MINK1: variants seen among roughly 807,000 people sequenced by gnomAD.
MINK1 encodes the protein misshapen-like kinase 1.
In MINK1, 46 loss-of-function variants were observed where a neutral mutation model predicts 178.4. The observed-to-expected ratio is 0.26, with a 90% CI of 0.20 to 0.33. The LOEUF is 0.33. Among genes scored for constraint, MINK1 ranks in the 10% least tolerant of loss-of-function variants. The pLI is 1.00. For synonymous variants in MINK1, 797 were observed against 709.7 expected, an observed-to-expected ratio of 1.12 and a Z score of -1.96; for missense variants, 1,366 against 1,814.9, an observed-to-expected ratio of 0.75 and a Z score of 4.49.
chr17:4,843,728 T>C (rs72835018), intron 1 of MINK1, among the ~76,000 whole-genome samples: 12,879 of 152,150 alleles, frequency 0.085, 552 homozygotes, highest in Non-Finnish European at 0.094. Context: ...GTGGACAATA[T>C]TATCCTCATT....
chr17:4,891,997 C>T (rs181821185), intron 16 of MINK1, among the ~76,000 whole-genome samples, 152 bp from the exon 17 acceptor site: 7 of 152,244 alleles, frequency 4.6e-5, no homozygotes, highest in Non-Finnish European at 8.8e-5. Context: ...CATCATCCGG[C>T]TTCATAACCC....
At chr17:4,861,486 A>G (rs1252109130) in intron 1 of MINK1, among the ~76,000 whole-genome samples, 4 of 152,096 alleles carry the variant, frequency 2.6e-5, no homozygotes, top group African/African-American at 9.7e-5. Context: ...GAGCCTCTCC[A>G]TCAACCAAAG....
intron 12 of MINK1, among the ~76,000 whole-genome samples, chr17:4,888,502 GGT>G (rs1567610011): frequency 6.6e-6 from 1 of 151,736 alleles, no homozygotes; most frequent in Non-Finnish European, 1.5e-5. Flanking sequence ...CAGGCGTGGT[GGT>G]GCACGCGCCT....
At chr17:4,878,045 C>T (rs1046666017) in intron 1 of MINK1, among the ~76,000 whole-genome samples, 5 of 152,038 alleles carry the variant, frequency 3.3e-5, no homozygotes, top group East Asian at 3.9e-4. Context: ...CTCCTGACCT[C>T]GTGATCCACC....
At chr17:4,891,200 G>GCGCACACACACACACACACA (rs781594150) in intron 15 of MINK1, 76 bp downstream of exon 15, 14 of 1,004,118 alleles carry the variant, frequency 1.4e-5, no homozygotes, top group South Asian at 1.8e-5. Context: ...ACACACGCGC[G>GCGCACACACACACACACACA]CACACACACA....
At chr17:4,888,998 CCA>C (rs1392375333) in intron 12 of MINK1, among the ~76,000 whole-genome samples, 1 of 152,132 alleles carries the variant, frequency 6.6e-6, no homozygotes, top group Admixed American at 6.6e-5. Flanking sequence ...CCGCGCCCAG[CCA>C]CAGAGTCCTA....
chr17:4,895,497 C>A lies in MINK1; in HGVS notation c.3229+4C>A. ...AACCTGCTCATCACCATCTCAGGTA[C>A]AGGTGTGGTGAGTGGGGGAGGGAGG... On this transcript the variant is annotated splice_donor_region_variant and intron_variant, in intron 26 of 31. Coordinates refer to ENST00000355280, the MANE Select transcript of MINK1 (RefSeq NM_153827.5). The surrounding 1 kb of genome is among the most constrained non-coding windows in gnomAD (Gnocchi z 4.3). The A allele has an allele frequency of 1.3e-6, 2 of 1,575,452 alleles. No individual in the cohort carries two copies. Among genetic ancestry groups the A allele is most frequent in the Non-Finnish European group, 1.7e-6 (2 of 1,158,676 alleles).
In MINK1 at chr17:4,897,181, ACTT is replaced by A. The variant is rs766868408; in HGVS notation, c.3916-17_3916-15del. 1.0e-5 allele frequency: 16 copies of A among 1,607,506 alleles called. No individual in the cohort carries two copies. The highest frequency in any genetic ancestry group is 4.5e-5 in the East Asian group (2 of 44,742). On this transcript the variant is annotated intron_variant, in intron 31 of 31. Coordinates refer to ENST00000355280, the MANE Select transcript of MINK1 (RefSeq NM_153827.5). Reference sequence around the variant, plus strand: ...ACCCCCCCAACCTCAGCCCTTGGTGACTTCTTCTCCTGCCCCACCCAGGTGTTT... The same window carrying A: ...ACCCCCCCAACCTCAGCCCTTGGTGACTTCTCCTGCCCCACCCAGGTGTTT...
Position 4,885,688 on chromosome 17 carries a change from G to T in MINK1, c.639+75G>T. 6.3e-7 allele frequency: 1 copy of T among 1,586,866 alleles called. No individual in the cohort carries two copies. Among genetic ancestry groups the T allele is most frequent in the Non-Finnish European group, 8.6e-7 (1 of 1,161,878 alleles). On this transcript the variant is annotated intron_variant, in intron 7 of 31. Transcript: ENST00000355280. This position sits in a 1 kb window ranked among gnomAD's most constrained non-coding sequence, Gnocchi z 5.0. The stretch of plus-strand genomic sequence containing the variant: ...ATATGGGGACCACGGGGCCTGAGCA[G>T]GCTGGGGAACAGAGGAAGGTCAGAT...
At position 4,890,505 on chromosome 17, in the gene MINK1, C is replaced by T. The variant is rs758037422; in HGVS notation, c.1348-12C>T. The T allele has an allele frequency of 4.2e-5, 66 of 1,579,934 alleles. No homozygotes were observed. Among genetic ancestry groups the T allele is most frequent in the Non-Finnish European group, 5.5e-5 (64 of 1,163,764 alleles). On this transcript the variant is annotated splice_polypyrimidine_tract_variant and intron_variant, in intron 13 of 31. Transcript: ENST00000355280. ...ACCCTGCTGAGCCCTCTCTCCCTAC[C>T]CTTGGGCCCAGGAATACAAGCGGAA...
chr17:4,868,933 TTA>T, intron 1 of MINK1: 1 of 201,440 alleles, frequency 5.0e-6, no homozygotes. Flanking sequence ...ATTTATTTAT[TTA>T]TTTTTTGAGG....
At chr17:4,859,987 A>C (rs1913887791) in intron 1 of MINK1, among the ~76,000 whole-genome samples, 1 of 151,718 alleles carries the variant, frequency 6.6e-6, no homozygotes, top group South Asian at 2.1e-4. Flanking sequence ...TACTTGCCGC[A>C]TGCGGAGCGG....
Position 4,889,731 on chromosome 17 carries a change from G to A in MINK1, c.1315G>A (p.Glu439Lys). The A allele has an allele frequency of 6.5e-7, 1 of 1,547,782 alleles. No individual in the cohort carries two copies. The highest frequency in any genetic ancestry group is 8.7e-7 in the Non-Finnish European group (1 of 1,149,182). The change falls in exon 13 of 32, where the codon GAG becomes AAG. Residue 439 changes from glutamate to lysine, a missense_variant. Around this residue, in one of 14 missense-constraint regions of MINK1, gnomAD observed 87 missense variants for 78.9 expected, o/e 1.10. Transcript: ENST00000355280. ...RLEDMQALRR[E>K]EERRQAEREQ... ...GGAGGACATGCAGGCTCTGCGGCGG[G>A]AGGAGGAGCGGCGGCAGGCGGAGCG...
intron 1 of MINK1, among the ~76,000 whole-genome samples, chr17:4,866,471 TAAAAAA>T (rs960807944): frequency 1.5e-5 from 2 of 135,280 alleles, no homozygotes; most frequent in Non-Finnish European, 3.2e-5. Flanking sequence ...GTCTCAAAAT[TAAAAAA>T]AAAAAAAAAT....
At chr17:4,858,987 C>T (rs1913665354) in intron 1 of MINK1, 1 of 303,828 alleles carries the variant, frequency 3.3e-6, no homozygotes, top group South Asian at 1.3e-4. Context: ...CCCCTCCCAA[C>T]ACCAGGCACC....
intron 1 of MINK1, among the ~76,000 whole-genome samples, chr17:4,841,950 G>A (rs1313614559): frequency 6.6e-6 from 1 of 152,070 alleles, no homozygotes; most frequent in African/African-American, 2.4e-5. Flanking sequence ...CACCGGGCAC[G>A]GTGGCTCACG....
At position 4,884,447 on chromosome 17, in the gene MINK1, G is replaced by A; in HGVS notation, c.391G>A (p.Ala131Thr). 1 of 1,613,726 alleles carries A rather than the reference G, an allele frequency of 6.2e-7. No homozygotes were observed. The highest frequency in any genetic ancestry group is 8.5e-7 in the Non-Finnish European group (1 of 1,179,754). Residue 131 changes from alanine to threonine, a missense_variant, in exon 5 of 32, where the codon GCC becomes ACC. Ala to Thr is a moderately conservative substitution (Grantham distance 58, BLOSUM62 0). Coordinates refer to ENST00000355280, the MANE Select transcript of MINK1 (RefSeq NM_153827.5). ...KGNALKEDCI[A>T]YICREILRGL... The stretch of plus-strand genomic sequence containing the variant: ...CAACGCCCTGAAGGAGGACTGTATC[G>A]CCTATATCTGCAGGGAGATCCTCAG...
At position 4,887,701 on chromosome 17, in the gene MINK1, C is replaced by CAGG; in HGVS notation, c.1141_1142insAGG (p.Arg381delinsGlnGly). ...GCAGCAGCTGCAGCAGCAGCAGCAG[C>CAGG]GAGACCCCGAGGCACACATCAAACA... On this transcript the variant is annotated protein_altering_variant, in exon 12 of 32. Transcript: ENST00000355280. This position sits in a 1 kb window ranked among gnomAD's most constrained non-coding sequence, Gnocchi z 7.6. The CAGG allele has an allele frequency of 6.4e-7, 1 of 1,558,228 alleles. No individual in the cohort carries two copies. Among genetic ancestry groups the CAGG allele is most frequent in the Non-Finnish European group, 8.7e-7 (1 of 1,152,166 alleles).
At position 4,886,054 on chromosome 17, in the gene MINK1, G is replaced by A. The variant is rs1347772710; in HGVS notation, c.695-66G>A. The A allele has an allele frequency of 1.9e-6, 3 of 1,604,016 alleles. No individual in the cohort carries two copies. The African/African-American group carries it at 4.0e-5, about 21-fold the overall frequency. On this transcript the variant is annotated intron_variant, in intron 8 of 31. Coordinates refer to ENST00000355280, the MANE Select transcript of MINK1 (RefSeq NM_153827.5). The surrounding 1 kb of genome is among the most constrained non-coding windows in gnomAD (Gnocchi z 6.1). Reference sequence around the variant, plus strand: ...GGGAGGAGGTGGGTCCTGGGACCCTGCCGAGGAAGGGTCCTGTAGCTCCCA... The same window carrying A: ...GGGAGGAGGTGGGTCCTGGGACCCTACCGAGGAAGGGTCCTGTAGCTCCCA...
Sources: gnomAD v4.1 joint callset for allele counts (sites outside exome capture counted in the v4.1 genomes callset) on GRCh38, gnomAD v4.1.1 for gene constraint, gnomAD v4.1.1 regional missense constraint, Gnocchi (gnomAD v3.1) non-coding constraint, MANE v1.5 for transcripts, NCBI Gene and HGNC (gene_info 2026-07-23, HGNC 2026-07-21) for gene names.